The following CLMP variants were observed in gnomAD, a reference collection of about 807,000 sequenced individuals.
CLMP encodes the protein CXADR-like membrane protein.
CLMP carries 27 observed loss-of-function variants against 45.2 expected under a neutral mutation model. The ratio of observed to expected loss-of-function variants is 0.60; its 90% CI spans 0.44 to 0.82. CLMP has a LOEUF of 0.82. CLMP is among the 40% of genes least tolerant of loss of function. The probability of loss-of-function intolerance (pLI) is 0.00; values close to 1 mark genes in which losing one functional copy is unlikely to be tolerated. For missense variants in CLMP, 403 were observed against 448.4 expected (o/e 0.90, Z 0.91); for synonymous variants, 167 against 171.4 (o/e 0.97, Z 0.20).
chr11:123,127,671 A>G (rs1160452451), intron 1 of CLMP, among the ~76,000 whole-genome samples: 1 of 152,166 alleles, frequency 6.6e-6, no homozygotes, highest in Non-Finnish European at 1.5e-5. Flanking sequence ...ACAAAAGAAA[A>G]TCACAGACCA....
At position 123,070,442 on chromosome 11, in the gene CLMP, C is replaced by A. The variant is rs1306915913; in HGVS notation, c.*3032G>T. The A allele has an allele frequency of 6.6e-6, 1 of 152,140 alleles. No homozygotes were observed. The highest frequency in any genetic ancestry group is 6.6e-5 in the Admixed American group (1 of 15,266). 9.4% of individuals were successfully genotyped at this position (152,140 alleles called of 1,614,324 possible). A position where few individuals can be genotyped will look rare whatever the true frequency, so the allele number is the denominator to read the frequency against. The stretch of plus-strand genomic sequence containing the variant: ...GTTTTATGTGTTTGTTGTAGACTTC[C>A]ATTATGGATAGATTTCCAAAATAAT... On this transcript the variant is annotated 3_prime_UTR_variant, in exon 7 of 7. Coordinates refer to ENST00000448775, the MANE Select transcript of CLMP (RefSeq NM_024769.5).
At chr11:123,111,927 A>T (rs550798946) in intron 1 of CLMP, among the ~76,000 whole-genome samples, 3 of 127,088 alleles carry the variant, frequency 2.4e-5, no homozygotes, top group African/African-American at 1.1e-4. Context: ...AGACTTATTT[A>T]TTTTTTTAGA....
chr11:123,163,225 G>T (rs1861510673), intron 1 of CLMP, among the ~76,000 whole-genome samples: 1 of 152,144 alleles, frequency 6.6e-6, no homozygotes, highest in South Asian at 2.1e-4. Flanking sequence ...GATCTTAGAG[G>T]GTCTTCACTT....
chr11:123,165,275 A>G (rs1257713863), intron 1 of CLMP, among the ~76,000 whole-genome samples: 1 of 152,244 alleles, frequency 6.6e-6, no homozygotes, highest in Non-Finnish European at 1.5e-5. Context: ...GCCTGAAAGT[A>G]GGGAGAAGTT....
At chr11:123,121,329 G>A (rs1207557969) in intron 1 of CLMP, among the ~76,000 whole-genome samples, 1 of 151,862 alleles carries the variant, frequency 6.6e-6, no homozygotes, top group Non-Finnish European at 1.5e-5. Context: ...ATGGTGTCTC[G>A]TTCTGTCGTC....
At chr11:123,174,322 T>C (rs1861672239) in intron 1 of CLMP, among the ~76,000 whole-genome samples, 1 of 152,294 alleles carries the variant, frequency 6.6e-6, no homozygotes, top group Middle Eastern at 3.4e-3. Flanking sequence ...TCATACTATG[T>C]ATAATAGGAA....
At chr11:123,174,648 T>C (rs1861675562) in intron 1 of CLMP, among the ~76,000 whole-genome samples, 1 of 152,220 alleles carries the variant, frequency 6.6e-6, no homozygotes, top group Non-Finnish European at 1.5e-5. Flanking sequence ...ACCTTGCTGG[T>C]CTATCCATCT....
intron 1 of CLMP, among the ~76,000 whole-genome samples, chr11:123,186,573 G>T (rs1861837791): frequency 6.6e-6 from 1 of 151,202 alleles, no homozygotes; most frequent in African/African-American, 2.4e-5. Flanking sequence ...AGGCTGGAAT[G>T]CAGTGGCGTG....
chr11:123,124,065 G>A (rs1860856638), intron 1 of CLMP, among the ~76,000 whole-genome samples: 1 of 152,124 alleles, frequency 6.6e-6, no homozygotes, highest in Admixed American at 6.6e-5. Context: ...GTTAGGAGAA[G>A]GAAACTTCTA....
At chr11:123,109,490 C>T (rs772009648) in intron 1 of CLMP, among the ~76,000 whole-genome samples, 2 of 152,150 alleles carry the variant, frequency 1.3e-5, no homozygotes, top group South Asian at 4.1e-4. Context: ...TTTCCTTCCC[C>T]ACACCGAAGA....
chr11:123,133,284 C>T (rs1037953871), intron 1 of CLMP, among the ~76,000 whole-genome samples: 2 of 152,084 alleles, frequency 1.3e-5, no homozygotes, highest in Non-Finnish European at 2.9e-5. Flanking sequence ...TCTGGGTCCT[C>T]CTTTTGACTA....
At chr11:123,115,727 C>G (rs1428346696) in intron 1 of CLMP, among the ~76,000 whole-genome samples, 2 of 152,074 alleles carry the variant, frequency 1.3e-5, no homozygotes, top group African/African-American at 4.8e-5. Flanking sequence ...TGGGTGTGAC[C>G]ATTTCACGAA....
At chr11:123,194,859 A>AG in intron 1 of CLMP, 54 bp downstream of exon 1, 1 of 1,608,378 alleles carries the variant, frequency 6.2e-7, no homozygotes, top group Non-Finnish European at 8.5e-7. Flanking sequence ...TCCCGGACGC[A>AG]GGGCTGCGTT....
chr11:123,077,373 C>T (rs1245601131), intron 5 of CLMP, among the ~76,000 whole-genome samples: 1 of 151,958 alleles, frequency 6.6e-6, no homozygotes, highest in Non-Finnish European at 1.5e-5. Context: ...CTCTTGTTGC[C>T]CAGGCTGGAA....
intron 2 of CLMP, among the ~76,000 whole-genome samples, chr11:123,096,396 C>T (rs545528531): frequency 1.3e-5 from 2 of 151,856 alleles, no homozygotes; most frequent in Non-Finnish European, 2.9e-5. Context: ...TGGTGGTGCA[C>T]GTCTGTAATC....
chr11:123,129,816 TG>T (rs1860959296), intron 1 of CLMP, among the ~76,000 whole-genome samples: 1 of 151,318 alleles, frequency 6.6e-6, no homozygotes, highest in South Asian at 2.1e-4. Context: ...ATGGCAAAGT[TG>T]GGACTGGAAC....
intron 1 of CLMP, among the ~76,000 whole-genome samples, chr11:123,183,727 A>G (rs952165577): frequency 1.3e-5 from 2 of 152,168 alleles, no homozygotes; most frequent in Non-Finnish European, 2.9e-5. Context: ...CCCAGAGAAG[A>G]CAGCCTTACC....
At chr11:123,191,110 A>G (rs867929794) in intron 1 of CLMP, among the ~76,000 whole-genome samples, 1 of 152,152 alleles carries the variant, frequency 6.6e-6, no homozygotes, top group Non-Finnish European at 1.5e-5. Flanking sequence ...TGGTTTTGTG[A>G]TTTTCATCAG....
intron 1 of CLMP, among the ~76,000 whole-genome samples, chr11:123,127,873 C>T (rs1250794349): frequency 6.6e-6 from 1 of 151,986 alleles, no homozygotes; most frequent in Non-Finnish European, 1.5e-5. Flanking sequence ...CCTGTCTCTA[C>T]TGAAAATACA....
Sources: gnomAD v4.1 joint callset for allele counts (sites outside exome capture counted in the v4.1 genomes callset) on GRCh38, gnomAD v4.1.1 for gene constraint, MANE v1.5 for transcripts, NCBI Gene and HGNC (gene_info 2026-07-23, HGNC 2026-07-21) for gene names.